SORBS2: variants seen among roughly 807,000 people sequenced by gnomAD.
SORBS2 encodes sorbin and SH3 domain containing 2.
SORBS2 carries 46 observed loss-of-function variants against 97.7 expected under a neutral mutation model. The ratio of observed to expected loss-of-function variants is 0.47; its 90% CI spans 0.37 to 0.60. The LOEUF is 0.60. Among genes scored for constraint, SORBS2 ranks in the 20% least tolerant of loss-of-function variants. SORBS2 has a pLI of 0.00. For synonymous variants in SORBS2, 476 were observed against 473.4 expected (o/e 1.01, Z -0.07); for missense variants, 1,316 against 1,282.3 (o/e 1.03, Z -0.40).
At chr4:185,922,903 A>G (rs1342580502) in intron 1 of SORBS2, among the ~76,000 whole-genome samples, 2 of 152,196 alleles carry the variant, frequency 1.3e-5, no homozygotes, top group Non-Finnish European at 2.9e-5. Context: ...AAACTGAGGG[A>G]ACTGAAACTG....
rs559904162 is a variant in SORBS2 at position 185,719,329 on chromosome 4, C to G, written c.-197-40507G>C. ...TTGCCGGTAGGTACTCTCAAACCAGCGTGAACTGTACACTGCAATTAATTA... is the reference window on the plus strand; with the variant it reads ...TTGCCGGTAGGTACTCTCAAACCAGGGTGAACTGTACACTGCAATTAATTA... On this transcript the variant is annotated intron_variant, in intron 2 of 20. Transcript: ENST00000284776. Among the ~76,000 whole-genome samples the G allele has an allele frequency of 2.0e-5, 3 of 152,272 alleles. No homozygotes were observed. The East Asian group carries it at 5.8e-4, about 29-fold the overall frequency.
At chr4:185,881,794 C>T (rs1236279116) in intron 1 of SORBS2, among the ~76,000 whole-genome samples, 2 of 151,958 alleles carry the variant, frequency 1.3e-5, no homozygotes, top group Non-Finnish European at 2.9e-5. Context: ...GCAAAATAAA[C>T]ATAACAATGT....
At chr4:185,757,125 A>C (rs1451873848) in intron 2 of SORBS2, 2 of 481,318 alleles carry the variant, frequency 4.2e-6, no homozygotes, top group Admixed American at 3.0e-5. Context: ...CACACTGTCC[A>C]CTGTAGGGGT....
rs757597857 is a variant in SORBS2, at chr4:185,615,166, G to A, written c.2352-7C>T. Reference sequence around the variant, plus strand: ...TTTCTTAAATGACAACTCCCTGGAAGAGACACGTTGACATGGTCTTTTTGT... The same window carrying A: ...TTTCTTAAATGACAACTCCCTGGAAAAGACACGTTGACATGGTCTTTTTGT... On this transcript the variant is annotated splice_region_variant and splice_polypyrimidine_tract_variant and intron_variant, in intron 9 of 14. Transcript: ENST00000418609. 2.9e-5 allele frequency: 43 copies of A among 1,500,182 alleles called. No individual in the cohort carries two copies. In the South Asian group the frequency reaches 4.3e-4, roughly 15 times the overall value. The allele number at this position is 1,500,182 out of a possible 1,614,324, so 92.9% of individuals were successfully genotyped here.
At chr4:185,803,736 A>G (rs927856665) in intron 1 of SORBS2, among the ~76,000 whole-genome samples, 48 of 152,198 alleles carry the variant, frequency 3.2e-4, no homozygotes, top group Non-Finnish European at 7.3e-5. Flanking sequence ...TCTATGGTGG[A>G]AAGGAAGTCA....
intron 4 of SORBS2, 120 bp from the exon 14 acceptor site, chr4:185,639,155 G>A (rs1392094146): frequency 1.1e-5 from 10 of 905,634 alleles, no homozygotes; most frequent in Non-Finnish European, 1.6e-5. Flanking sequence ...GCCTCCGGAC[G>A]GCGAAGTGTC....
intron 1 of SORBS2, among the ~76,000 whole-genome samples, chr4:185,950,679 A>G (rs528674535): frequency 6.6e-5 from 10 of 152,274 alleles, no homozygotes; most frequent in African/African-American, 2.4e-4. Context: ...TGTGAACAAT[A>G]TTTTAATTTT....
chr4:185,940,011 G>A (rs917886413), intron 1 of SORBS2, among the ~76,000 whole-genome samples: 7 of 152,186 alleles, frequency 4.6e-5, no homozygotes, highest in East Asian at 3.9e-4. Context: ...CTCTTGAAGC[G>A]TTTCTTTGCT....
At chr4:185,748,257 C>T (rs1220330804) in intron 2 of SORBS2, among the ~76,000 whole-genome samples, 2 of 152,156 alleles carry the variant, frequency 1.3e-5, no homozygotes, top group East Asian at 1.9e-4. Flanking sequence ...AGTTGCAGCT[C>T]AGGGCCTCGG....
chr4:185,614,738 T>C, intron 11 of SORBS2, 93 bp downstream of exon 23: 1 of 1,419,578 alleles, frequency 7.0e-7, no homozygotes, highest in South Asian at 1.4e-5. Context: ...AAGAAAAAGA[T>C]AACCTATTTT....
intron 1 of SORBS2, among the ~76,000 whole-genome samples, chr4:185,925,809 C>T (rs4862595): frequency 0.64 from 97,050 of 151,908 alleles, 31,428 homozygotes; most frequent in East Asian, 0.73. Flanking sequence ...AATTACAAAA[C>T]ATATATGCAA....
intron 2 of SORBS2, among the ~76,000 whole-genome samples, chr4:185,679,082 C>A (rs1308458838): frequency 6.6e-6 from 1 of 152,036 alleles, no homozygotes; most frequent in Non-Finnish European, 1.5e-5. Flanking sequence ...TTGCAACATG[C>A]AATTTTAATC....
chr4:185,845,575 T>C (rs1334763533), intron 1 of SORBS2, among the ~76,000 whole-genome samples: 1 of 152,186 alleles, frequency 6.6e-6, no homozygotes, highest in Admixed American at 6.5e-5. Flanking sequence ...CACACTGGAC[T>C]TGATCACAGT....
intron 1 of SORBS2, among the ~76,000 whole-genome samples, chr4:185,944,262 A>C (rs2099273485): frequency 6.6e-6 from 1 of 152,222 alleles, no homozygotes; most frequent in African/African-American, 2.4e-5. Context: ...CCCCAAATAG[A>C]GATGAGAAGC....
chr4:185,656,429 T>C (rs1466263947), intron 1 of SORBS2, among the ~76,000 whole-genome samples: 1 of 149,314 alleles, frequency 6.7e-6, no homozygotes, highest in East Asian at 1.9e-4. Flanking sequence ...CTGTTTCCAA[T>C]CTTACCACGG....
exon 15 of SORBS2, chr4:185,587,460 C>A: frequency 1.6e-6 from 1 of 631,458 alleles, no homozygotes. Flanking sequence ...CGTCCCCAGG[C>A]TCACAGCAGC....
At chr4:185,635,687 A>T (rs980857729) in intron 4 of SORBS2, among the ~76,000 whole-genome samples, 1 of 152,192 alleles carries the variant, frequency 6.6e-6, no homozygotes, top group Non-Finnish European at 1.5e-5. Context: ...TAGCACTCCT[A>T]GTCTCTGGCC....
chr4:185,698,792 A>C (rs972204181), intron 2 of SORBS2, among the ~76,000 whole-genome samples: 2 of 152,212 alleles, frequency 1.3e-5, no homozygotes, highest in Non-Finnish European at 2.9e-5. Flanking sequence ...GTCCAAATGG[A>C]AAGTGTTAAT....
At chr4:185,910,130 G>T (rs1165818140) in intron 1 of SORBS2, among the ~76,000 whole-genome samples, 1 of 152,122 alleles carries the variant, frequency 6.6e-6, no homozygotes. Context: ...CCAGGCCAAG[G>T]TGGCTCTGCA....
Sources: gnomAD v4.1 joint callset for allele counts (sites outside exome capture counted in the v4.1 genomes callset) on GRCh38, gnomAD v4.1.1 for gene constraint, MANE v1.5 for transcripts, NCBI Gene and HGNC (gene_info 2026-07-23, HGNC 2026-07-21) for gene names.